The following RIN2 variants were observed in gnomAD, a reference collection of about 807,000 sequenced individuals.
RIN2 encodes the protein Ras and Rab interactor 2.
Under a neutral mutation model 78.0 loss-of-function variants are expected in RIN2, and 36 were observed. That is an observed-to-expected ratio of 0.46 (90% CI 0.35 to 0.61). RIN2 has a LOEUF of 0.61. RIN2 is among the 20% of genes least tolerant of loss of function. RIN2 has a pLI of 0.00. For missense variants in RIN2, 1,087 were observed against 1,159.7 expected (o/e 0.94, Z 0.91); for synonymous variants, 466 against 466.8 (o/e 1.00, Z 0.02).
At chr20:19,814,781 T>G (rs952331121) in intron 2 of RIN2, among the ~76,000 whole-genome samples, 3 of 151,454 alleles carry the variant, frequency 2.0e-5, no homozygotes, top group African/African-American at 7.3e-5. Context: ...TGTAGAGACA[T>G]GGTCTTCATA....
chr20:19,820,271 C>G (rs1196596858), intron 2 of RIN2, among the ~76,000 whole-genome samples: 2 of 152,102 alleles, frequency 1.3e-5, no homozygotes, highest in African/African-American at 4.8e-5. Context: ...AAAACAAAGC[C>G]TGATTCTAAA....
chr20:19,947,004 C>G (rs145302484), intron 4 of RIN2, among the ~76,000 whole-genome samples: 1 of 147,606 alleles, frequency 6.8e-6, no homozygotes, highest in Non-Finnish European at 1.5e-5. Flanking sequence ...GCACTCCAGC[C>G]TGGGTGTCAG....
At position 19,840,210 on chromosome 20, in the gene RIN2, C is replaced by T. The variant is rs187816211; in HGVS notation, c.-37+40463C>T. The stretch of plus-strand genomic sequence containing the variant: ...CAGAGAAACAGAAACTTGGAGAGAA[C>T]ATTCCTGGTCACACAAAGGTTTGCC... On this transcript the variant is annotated intron_variant, in intron 2 of 12. Coordinates refer to ENST00000255006, the MANE Select transcript of RIN2 (RefSeq NM_018993.4). 2.8e-4 allele frequency among the ~76,000 whole-genome samples: 42 copies of T among 152,296 alleles called. 1 individual carries two copies. Among genetic ancestry groups the T allele is most frequent in the Admixed American group, 2.2e-3 (33 of 15,294 alleles).
chr20:20,001,664 A>G lies in RIN2; in HGVS notation c.*728A>G, dbSNP rs1232944780. The G allele has an allele frequency of 1.3e-5, 2 of 152,582 alleles. No homozygotes were observed. Among genetic ancestry groups the G allele is most frequent in the Non-Finnish European group, 2.9e-5 (2 of 68,036 alleles). 9.5% of individuals were successfully genotyped at this position (152,582 alleles called of 1,614,324 possible). A position where few individuals can be genotyped will look rare whatever the true frequency, so the allele number is the denominator to read the frequency against. On this transcript the variant is annotated 3_prime_UTR_variant, in exon 13 of 13. Transcript: ENST00000255006. ...ACGTATTCCTGACACTGGCCACAGA[A>G]TGCCTTTGGAAATCGGATGTACTGT...
intron 4 of RIN2, among the ~76,000 whole-genome samples, chr20:19,936,337 T>C (rs926869706): frequency 2.0e-5 from 3 of 152,202 alleles, no homozygotes; most frequent in African/African-American, 4.8e-5. Flanking sequence ...ACTAGACAAA[T>C]GCACAATGAT....
chr20:19,943,273 A>C (rs1020632586), intron 4 of RIN2, among the ~76,000 whole-genome samples: 17 of 152,200 alleles, frequency 1.1e-4, no homozygotes, highest in African/African-American at 4.1e-4. Context: ...AACCAGAGGA[A>C]GTTCCTGGGC....
chr20:19,890,701 A>AAAAAAAAAAAAAAAAAG (rs1568576484), intron 3 of RIN2, among the ~76,000 whole-genome samples: 1 of 151,360 alleles, frequency 6.6e-6, no homozygotes, highest in Non-Finnish European at 1.5e-5. Flanking sequence ...AAAAAAAAAA[A>AAAAAAAAAAAAAAAAAG]AACCATCAGA....
chr20:19,773,633 A>G (rs2034212761), intron 1 of RIN2, among the ~76,000 whole-genome samples: 1 of 151,864 alleles, frequency 6.6e-6, no homozygotes, highest in South Asian at 2.1e-4. Context: ...CGTGCTGTCT[A>G]TTAGACCACC....
intron 3 of RIN2, among the ~76,000 whole-genome samples, chr20:19,919,780 TG>T (rs1468372585): frequency 6.6e-6 from 1 of 152,192 alleles, no homozygotes; most frequent in Admixed American, 6.5e-5. Flanking sequence ...CACTCCAGCC[TG>T]GACAACAGAG....
At chr20:19,773,061 G>A (rs2122439210) in intron 1 of RIN2, among the ~76,000 whole-genome samples, 1 of 152,312 alleles carries the variant, frequency 6.6e-6, no homozygotes, top group South Asian at 2.1e-4. Flanking sequence ...GGTGTTGGCA[G>A]GGCTGTGCTC....
At position 19,905,995 on chromosome 20, in the gene RIN2, CACAAACAA is replaced by C. The variant is rs3059678; in HGVS notation, c.57+16349_57+16356del. Reference sequence around the variant, plus strand: ...AGTGTAGGTAGCAGTATCTCTATTTCACAAACAAACAAACAAACACATGCCAGGGCCAT... The same window carrying C: ...AGTGTAGGTAGCAGTATCTCTATTTCACAAACAAACACATGCCAGGGCCAT... On this transcript the variant is annotated intron_variant, in intron 3 of 12. Transcript: ENST00000255006. Among the ~76,000 whole-genome samples the C allele has an allele frequency of 4.6e-5, 7 of 151,810 alleles. No homozygotes were observed. In the East Asian group the frequency reaches 1.2e-3, roughly 25 times the overall value.
At chr20:19,920,240 G>A (rs1241710678) in intron 3 of RIN2, among the ~76,000 whole-genome samples, 8 of 150,236 alleles carry the variant, frequency 5.3e-5, no homozygotes, top group Non-Finnish European at 1.2e-4. Context: ...AGCTTGCAGT[G>A]AGCTGAGATC....
chr20:19,977,818 A>G (rs563543091), intron 9 of RIN2, among the ~76,000 whole-genome samples: 3 of 152,318 alleles, frequency 2.0e-5, no homozygotes, highest in African/African-American at 7.2e-5. Flanking sequence ...TATGGCCTCC[A>G]CAAGCATTGC....
At chr20:19,763,598 ATAGT>A (rs1420828968) in intron 1 of RIN2, among the ~76,000 whole-genome samples, 18 of 152,178 alleles carry the variant, frequency 1.2e-4, no homozygotes, top group Non-Finnish European at 1.8e-4. Context: ...AAACTCACTA[ATAGT>A]TAGGTGAAAG....
chr20:19,802,213 G>A (rs570406625), intron 2 of RIN2, among the ~76,000 whole-genome samples: 1 of 152,224 alleles, frequency 6.6e-6, no homozygotes, highest in African/African-American at 2.4e-5. Flanking sequence ...TAGGTCACTT[G>A]CCCTACATCA....
chr20:19,910,863 C>T (rs1251134137), intron 3 of RIN2, among the ~76,000 whole-genome samples: 2 of 152,006 alleles, frequency 1.3e-5, no homozygotes, highest in Non-Finnish European at 2.9e-5. Context: ...CCACACCGCA[C>T]CCAGCCAGGA....
At chr20:19,867,511 G>C (rs2123333015) in intron 2 of RIN2, among the ~76,000 whole-genome samples, 1 of 152,232 alleles carries the variant, frequency 6.6e-6, no homozygotes, top group East Asian at 1.9e-4. Context: ...ACTCTGAAAT[G>C]TATCCTTAGC....
At chr20:19,832,650 T>C (rs1188569550) in intron 2 of RIN2, among the ~76,000 whole-genome samples, 2 of 151,574 alleles carry the variant, frequency 1.3e-5, no homozygotes, top group African/African-American at 4.9e-5. Flanking sequence ...TTAGAAACAA[T>C]AGGCATTTAT....
At chr20:19,935,307 G>C (rs532012484) in intron 4 of RIN2, 108 bp downstream of exon 4, 3 of 1,255,382 alleles carry the variant, frequency 2.4e-6, no homozygotes, top group Non-Finnish European at 3.3e-6. Flanking sequence ...GGAGCTGGGA[G>C]TGTGGTAGCA....
Sources: allele counts gnomAD v4.1 joint callset (sites outside exome capture counted in the v4.1 genomes callset), GRCh38; gene constraint gnomAD v4.1.1; transcripts MANE v1.5; gene names NCBI Gene and HGNC (gene_info 2026-07-23, HGNC 2026-07-21).